CACNA1H: variants seen among roughly 807,000 people sequenced by gnomAD.
The protein encoded by CACNA1H is voltage-dependent T-type calcium channel subunit alpha-1H.
In CACNA1H, 149 loss-of-function variants were observed where a neutral mutation model predicts 192.5. That is an observed-to-expected ratio of 0.77 (90% confidence interval 0.68 to 0.89). The LOEUF (loss-of-function observed/expected upper bound fraction) is 0.89, where lower values mean the gene tolerates loss of function less well. Among genes scored for constraint, CACNA1H ranks in the 40% least tolerant of loss-of-function variants. CACNA1H has a pLI of 0.00. For synonymous variants in CACNA1H, 2,202 were observed against 1,475.2 expected, an observed-to-expected ratio of 1.49 and a Z score of -11.29; for missense variants, 4,257 against 3,423.5, an observed-to-expected ratio of 1.24 and a Z score of -6.08.
chr16:1,216,529 C>T lies in CACNA1H; in HGVS notation c.5245-403C>T, dbSNP rs192580432. On this transcript the variant is annotated intron_variant, in intron 30 of 34. Coordinates refer to ENST00000348261, the MANE Select transcript of CACNA1H (RefSeq NM_021098.3). ...GTCAGCTGCGTGCTGGCCTGGGCCC[C>T]GCCATGGGATCTCTGAGGTAGCCGC... Among the ~76,000 whole-genome samples the T allele has an allele frequency of 1.2e-3, 190 of 152,338 alleles. 5 individuals carry two copies. In the East Asian group the frequency reaches 0.031, roughly 25 times the overall value.
intron 2 of CACNA1H, 99 bp downstream of exon 2, chr16:1,154,135 T>G (rs1203818584): frequency 3.3e-5 from 31 of 951,492 alleles, no homozygotes; most frequent in Middle Eastern, 4.0e-4. Flanking sequence ...CGCGCGCCCC[T>G]GTTGGTGGGA....
intron 20 of CACNA1H, 25 bp from the exon 21 acceptor site, chr16:1,210,762 G>A (rs759918746): frequency 6.3e-7 from 1 of 1,598,110 alleles, no homozygotes; most frequent in South Asian, 1.1e-5. Context: ...CTGAGCCTGA[G>A]CTCAGTGCCA....
At position 1,219,867 on chromosome 16, in the gene CACNA1H, G is replaced by A. The variant is rs545075292; in HGVS notation, c.6049-114G>A. On this transcript the variant is annotated intron_variant, in intron 34 of 34. Transcript: ENST00000348261. ...CTCGAGGGTCAGGAGCCACCCAGGG[G>A]ACCTGCCCAGTTTGGCCTCTCCAGT... 236 of 756,482 alleles carry A rather than the reference G, an allele frequency of 3.1e-4. No homozygotes were observed. The African/African-American group carries it at 3.7e-3, about 12-fold the overall frequency. 46.9% of individuals were successfully genotyped at this position (756,482 alleles called of 1,614,324 possible). A position where few individuals can be genotyped will look rare whatever the true frequency, so the allele number is the denominator to read the frequency against.
chr16:1,161,853 C>G (rs1324372659), intron 2 of CACNA1H, among the ~76,000 whole-genome samples: 1 of 152,194 alleles, frequency 6.6e-6, no homozygotes, highest in Non-Finnish European at 1.5e-5. Context: ...CTTGCCGCAG[C>G]CTGCCTGTGG....
intron 2 of CACNA1H, among the ~76,000 whole-genome samples, chr16:1,166,722 G>A (rs779921359): frequency 4.6e-5 from 7 of 152,182 alleles, no homozygotes; most frequent in Admixed American, 2.0e-4. Context: ...GGCTTCTCTC[G>A]AGCTTTGTGC....
At chr16:1,188,595 A>T (rs1166137060) in intron 2 of CACNA1H, among the ~76,000 whole-genome samples, 1 of 152,188 alleles carries the variant, frequency 6.6e-6, no homozygotes, top group Non-Finnish European at 1.5e-5. Context: ...CACAACAGTC[A>T]GTGGCTCTGG....
intron 10 of CACNA1H, 78 bp downstream of exon 10, chr16:1,204,536 GC>G (rs1465892363): frequency 8.6e-7 from 1 of 1,160,570 alleles, no homozygotes; most frequent in East Asian, 2.4e-5. Flanking sequence ...GCTTCCAGCA[GC>G]CCCGATGCCT....
rs1236184576 is a variant in CACNA1H at position 1,167,554 on chromosome 16, G to T, written c.299+13518G>T. ...TTCCTGTTACCTTTGCCAAGTCGAG[G>T]AAGGCTGGAGCCACACTCCTCACCG... On this transcript the variant is annotated intron_variant, in intron 2 of 34. Coordinates refer to ENST00000348261, the MANE Select transcript of CACNA1H (RefSeq NM_021098.3). This position sits in a 1 kb window ranked among gnomAD's most constrained non-coding sequence, Gnocchi z 4.2. 6.6e-6 allele frequency among the ~76,000 whole-genome samples: 1 copy of T among 152,198 alleles called. No individual in the cohort carries two copies. Among genetic ancestry groups the T allele is most frequent in the East Asian group, 1.9e-4 (1 of 5,192 alleles).
In CACNA1H at chr16:1,210,072, A is replaced by G. The variant is rs1408372254; in HGVS notation, c.3782A>G (p.Tyr1261Cys). The change falls in exon 18 of 35, where the codon TAC becomes TGC. Residue 1261 changes from tyrosine to cysteine, a missense_variant. Transcript: ENST00000348261. ...CGCCTGCATAAAGTGCTGGAGCCCT[A>G]CAAGCCCCAGTGGTGCCGGAGCCGC... ...CLRLHKVLEP[Y>C]KPQWCRSREA... 6.4e-6 allele frequency: 10 copies of G among 1,557,472 alleles called. No homozygotes were observed. Among genetic ancestry groups the G allele is most frequent in the East Asian group, 2.4e-5 (1 of 41,324 alleles).
chr16:1,154,425 C>G (rs1248024102), intron 2 of CACNA1H, among the ~76,000 whole-genome samples: 1 of 152,128 alleles, frequency 6.6e-6, no homozygotes, highest in Non-Finnish European at 1.5e-5. Flanking sequence ...TCTGAAGGTC[C>G]TGCCCGAGGC....
intron 6 of CACNA1H, 62 bp from the exon 7 acceptor site, chr16:1,200,194 C>A (rs867582302): frequency 5.8e-6 from 8 of 1,386,498 alleles, no homozygotes; most frequent in Middle Eastern, 3.6e-4. Flanking sequence ...CAATCGTGCC[C>A]CCGACTCTGA....
chr16:1,216,340 C>T (rs1273494913), intron 30 of CACNA1H, among the ~76,000 whole-genome samples: 1 of 152,272 alleles, frequency 6.6e-6, no homozygotes, highest in East Asian at 1.9e-4. Flanking sequence ...ACCAGGTGCT[C>T]AGCTGTGCAG....
chr16:1,212,099 G>C lies in CACNA1H; in HGVS notation c.4720G>C (p.Glu1574Gln), dbSNP rs781126604. ...GGAGGCGGAGGAGGCGCGGCGGCGA[G>C]AGGAGAAGCGGCTGCGGCGCCTAGA... ...HQEAEEARRR[E>Q]EKRLRRLERR... The change falls in exon 25 of 35, where the codon GAG (glutamate) becomes CAG (glutamine). Residue 1574 changes from glutamate to glutamine, a missense_variant. Transcript: ENST00000348261. The C allele has an allele frequency of 4.8e-5, 78 of 1,611,168 alleles. No homozygotes were observed. The East Asian group carries it at 1.7e-3, about 36-fold the overall frequency.
At chr16:1,190,165 C>T (rs1048731816) in intron 2 of CACNA1H, among the ~76,000 whole-genome samples, 1 of 152,236 alleles carries the variant, frequency 6.6e-6, no homozygotes, top group Non-Finnish European at 1.5e-5. Context: ...GGCTGGGTTC[C>T]CTGACCGTTC....
intron 2 of CACNA1H, among the ~76,000 whole-genome samples, chr16:1,191,829 G>T (rs1966647631): frequency 7.5e-6 from 1 of 133,902 alleles, no homozygotes; most frequent in Admixed American, 7.2e-5. Context: ...TGACCCAGCA[G>T]GCTGGCCTGG....
chr16:1,213,105 A>G (rs1969651417), intron 26 of CACNA1H, among the ~76,000 whole-genome samples: 1 of 152,220 alleles, frequency 6.6e-6, no homozygotes, highest in African/African-American at 2.4e-5. Context: ...TGGGGGACAC[A>G]CGCAGATGGC....
At chr16:1,195,146 C>A (rs545730227) in intron 3 of CACNA1H, 63 bp downstream of exon 3, 2 of 141,248 alleles carry the variant, frequency 1.4e-5, no homozygotes, top group Non-Finnish European at 2.6e-5. Context: ...TGGTTCAAGG[C>A]GGAGTGGGGC....
intron 31 of CACNA1H, among the ~76,000 whole-genome samples, chr16:1,217,592 A>G (rs1970133172): frequency 6.6e-6 from 1 of 152,218 alleles, no homozygotes. Context: ...TCTGTCCACC[A>G]GGTAAGCTTG....
At chr16:1,188,206 A>G (rs1379332477) in intron 2 of CACNA1H, among the ~76,000 whole-genome samples, 2 of 152,156 alleles carry the variant, frequency 1.3e-5, no homozygotes, top group Non-Finnish European at 2.9e-5. Flanking sequence ...TACGTGAGCC[A>G]GCGGGTCTGG....
Sources: gnomAD v4.1 joint callset for allele counts (sites outside exome capture counted in the v4.1 genomes callset) on GRCh38, gnomAD v4.1.1 for gene constraint, Gnocchi (gnomAD v3.1) non-coding constraint, MANE v1.5 for transcripts, NCBI Gene and HGNC (gene_info 2026-07-23, HGNC 2026-07-21) for gene names.